SORCS2: variants seen among roughly 807,000 people sequenced by gnomAD.
SORCS2 encodes the protein VPS10 domain-containing receptor SorCS2.
A neutral mutation model predicts 141.6 loss-of-function variants in SORCS2; 100 were observed. The ratio of observed to expected loss-of-function variants is 0.71; its 90% confidence interval spans 0.60 to 0.83. The LOEUF is 0.83. SORCS2 is among the 40% of genes least tolerant of loss of function. The pLI, the probability that SORCS2 is intolerant of heterozygous loss-of-function variation, is 0.00. For missense variants in SORCS2, 1,646 were observed against 1,560.2 expected (o/e 1.05, Z -0.93); for synonymous variants, 789 against 676.9 (o/e 1.17, Z -2.57).
At chr4:7,530,056 C>T (rs553775089) in intron 2 of SORCS2, among the ~76,000 whole-genome samples, 55 of 152,312 alleles carry the variant, frequency 3.6e-4, no homozygotes, top group African/African-American at 1.3e-3. Context: ...GCCACGTGGC[C>T]AGCATGCCCA....
In SORCS2 at chr4:7,695,914, G is replaced by A. The variant is rs1290500712; in HGVS notation, c.1592-1284G>A. ...TGGATGGATGGATGGATGGATGGAT[G>A]GATGGATGGATTGGTGGGTGGGTGG... is the stretch of plus-strand genomic sequence containing the variant. On this transcript the variant is annotated intron_variant, in intron 11 of 26. Coordinates refer to ENST00000507866, the MANE Select transcript of SORCS2 (RefSeq NM_020777.3). Among the ~76,000 whole-genome samples, 30 of 135,766 alleles carry A rather than the reference G, an allele frequency of 2.2e-4. 1 individual carries two copies. The highest frequency in any genetic ancestry group is 7.2e-4 in the African/African-American group (26 of 36,230). 89.1% of individuals were successfully genotyped at this position (135,766 alleles called of 152,430 possible). A position where few individuals can be genotyped will look rare whatever the true frequency, so the allele number is the denominator to read the frequency against.
chr4:7,627,616 T>A (rs2108840821), intron 3 of SORCS2, among the ~76,000 whole-genome samples: 1 of 152,306 alleles, frequency 6.6e-6, no homozygotes, highest in African/African-American at 2.4e-5. Flanking sequence ...CATTAACTCA[T>A]AATGTGCCTC....
At chr4:7,262,648 G>C (rs536635673) in intron 1 of SORCS2, among the ~76,000 whole-genome samples, 36 of 152,356 alleles carry the variant, frequency 2.4e-4, no homozygotes, top group African/African-American at 8.4e-4. Context: ...GGGGCACTTT[G>C]GTGAGGGGTT....
Position 7,720,080 on chromosome 4 carries a change from C to T in SORCS2, c.2424+1897C>T, listed in dbSNP as rs192369407. 4.6e-4 allele frequency among the ~76,000 whole-genome samples: 70 copies of T among 152,252 alleles called. 1 individual carries two copies. Among genetic ancestry groups the T allele is most frequent in the African/African-American group, 1.6e-3 (67 of 41,556 alleles). On this transcript the variant is annotated intron_variant, in intron 18 of 26. Transcript: ENST00000507866. ...ACACACAGACACACACATGCTTACA[C>T]GCTCATGTATTCACTCTCAAACTCG...
chr4:7,538,439 G>A (rs1007776996), intron 3 of SORCS2, among the ~76,000 whole-genome samples: 3 of 152,242 alleles, frequency 2.0e-5, no homozygotes, highest in African/African-American at 7.2e-5. Context: ...GGCCCCAGGA[G>A]CCCTGTGGCA....
intron 11 of SORCS2, among the ~76,000 whole-genome samples, chr4:7,695,790 GGATT>G (rs1560490706): frequency 2.7e-4 from 18 of 66,652 alleles, no homozygotes; most frequent in South Asian, 5.5e-4. Flanking sequence ...ATGGATGGAT[GGATT>G]GGTGGGTGGG....
intron 2 of SORCS2, among the ~76,000 whole-genome samples, chr4:7,428,724 G>A (rs1726622965): frequency 6.6e-6 from 1 of 152,178 alleles, no homozygotes; most frequent in Non-Finnish European, 1.5e-5. Context: ...CAAGGGGAGG[G>A]GCTGGGCTGC....
At chr4:7,617,634 A>T (rs1488700877) in intron 3 of SORCS2, among the ~76,000 whole-genome samples, 1 of 152,196 alleles carries the variant, frequency 6.6e-6, no homozygotes, top group Non-Finnish European at 1.5e-5. Context: ...TGCTTCATAG[A>T]GGAGGAGACA....
At chr4:7,727,825 G>T (rs961192565) in intron 21 of SORCS2, among the ~76,000 whole-genome samples, 2 of 152,196 alleles carry the variant, frequency 1.3e-5, no homozygotes, top group East Asian at 1.9e-4. Flanking sequence ...TTTAGAATTG[G>T]GCTTTGAGCC....
chr4:7,534,785 C>G (rs1000783918), intron 3 of SORCS2, among the ~76,000 whole-genome samples: 4 of 152,236 alleles, frequency 2.6e-5, no homozygotes, highest in African/African-American at 9.6e-5. Context: ...CCAGCCCTGC[C>G]AACACCTTGC....
chr4:7,637,491 G>C (rs1356416212), intron 3 of SORCS2, among the ~76,000 whole-genome samples: 7 of 152,234 alleles, frequency 4.6e-5, no homozygotes, highest in African/African-American at 1.7e-4. Flanking sequence ...TCTCTGGAAT[G>C]GATTCACGTT....
At chr4:7,388,060 A>G (rs1723582378) in intron 1 of SORCS2, among the ~76,000 whole-genome samples, 2 of 151,936 alleles carry the variant, frequency 1.3e-5, no homozygotes, top group African/African-American at 4.8e-5. Context: ...GCACACACAT[A>G]CAGTTACACA....
At chr4:7,351,110 A>C (rs115989185) in intron 1 of SORCS2, among the ~76,000 whole-genome samples, 1 of 152,010 alleles carries the variant, frequency 6.6e-6, no homozygotes, top group Non-Finnish European at 1.5e-5. Flanking sequence ...CACACGCTAC[A>C]CGCCCCCCCA....
chr4:7,680,129 A>G (rs2108962375), intron 9 of SORCS2, among the ~76,000 whole-genome samples: 1 of 152,308 alleles, frequency 6.6e-6, no homozygotes, highest in African/African-American at 2.4e-5. Flanking sequence ...CTTGCGGCAC[A>G]TTCCCCGGGC....
intron 1 of SORCS2, among the ~76,000 whole-genome samples, chr4:7,378,712 C>T (rs905665025): frequency 6.6e-6 from 1 of 152,208 alleles, no homozygotes; most frequent in Non-Finnish European, 1.5e-5. Context: ...GCTACCAGAA[C>T]ACCTGTGTGC....
intron 2 of SORCS2, among the ~76,000 whole-genome samples, chr4:7,422,010 G>A (rs1726103944): frequency 6.6e-6 from 1 of 152,138 alleles, no homozygotes; most frequent in Non-Finnish European, 1.5e-5. Context: ...ACTGAAGTGG[G>A]AGGGGTTGAA....
intron 3 of SORCS2, among the ~76,000 whole-genome samples, chr4:7,626,284 C>T (rs760342944): frequency 4.6e-5 from 7 of 152,230 alleles, no homozygotes; most frequent in Non-Finnish European, 7.3e-5. Context: ...CTTATAAACA[C>T]ATTCCTCTTT....
intron 1 of SORCS2, among the ~76,000 whole-genome samples, chr4:7,247,909 A>C (rs1387151053): frequency 6.6e-6 from 1 of 152,202 alleles, no homozygotes; most frequent in Non-Finnish European, 1.5e-5. Flanking sequence ...AGATCCTAGG[A>C]GGGCGCGACT....
At chr4:7,471,165 G>A (rs142390432) in intron 2 of SORCS2, among the ~76,000 whole-genome samples, 12 of 152,222 alleles carry the variant, frequency 7.9e-5, no homozygotes, top group Admixed American at 5.9e-4. Flanking sequence ...ACAGGTCAGC[G>A]TTGCACCCGC....
Sources: allele counts gnomAD v4.1 joint callset (sites outside exome capture counted in the v4.1 genomes callset), GRCh38; gene constraint gnomAD v4.1.1; transcripts MANE v1.5; gene names NCBI Gene and HGNC (gene_info 2026-07-23, HGNC 2026-07-21).